The following DAB1 variants were observed in gnomAD, a reference collection of about 807,000 sequenced individuals.
DAB1 encodes disabled homolog 1.
DAB1 carries 15 observed loss-of-function variants against 64.6 expected under a neutral mutation model. That is an observed-to-expected ratio of 0.23 (90% CI 0.16 to 0.36). The LOEUF is 0.36. Ranked by LOEUF, DAB1 falls within the 10% of genes least tolerant of loss-of-function variation. DAB1 has a pLI of 1.00. For synonymous variants in DAB1, 235 were observed against 251.9 expected (o/e 0.93, Z 0.64); for missense variants, 596 against 706.7 (o/e 0.84, Z 1.78).
At chr1:58,094,915 C>A (rs1213961675) in intron 5 of DAB1, among the ~76,000 whole-genome samples, 1 of 152,170 alleles carries the variant, frequency 6.6e-6, no homozygotes, top group Non-Finnish European at 1.5e-5. Context: ...GTCCAAAGAC[C>A]ACACTTAAAG....
chr1:58,506,096 G>A (rs764816646), exon 3 of DAB1: 1 of 871,912 alleles, frequency 1.1e-6, no homozygotes, highest in South Asian at 1.3e-5. Flanking sequence ...CAACTCGATT[G>A]CCATGAGAAG....
At chr1:57,233,745 C>T (rs1004908488) in intron 2 of DAB1, among the ~76,000 whole-genome samples, 4 of 151,258 alleles carry the variant, frequency 2.6e-5, no homozygotes, top group Admixed American at 1.3e-4. Context: ...GGCGACAGAG[C>T]GAGCCTCTGT....
intron 1 of DAB1, among the ~76,000 whole-genome samples, chr1:57,318,280 G>A (rs137984543): frequency 6.6e-6 from 1 of 152,142 alleles, no homozygotes; most frequent in Non-Finnish European, 1.5e-5. Context: ...CACAATTCAG[G>A]TTTGGTAAAG....
intron 3 of DAB1, among the ~76,000 whole-genome samples, chr1:58,380,691 C>G (rs1644379608): frequency 6.6e-6 from 1 of 152,042 alleles, no homozygotes; most frequent in Non-Finnish European, 1.5e-5. Flanking sequence ...ATTCAAAGGT[C>G]TAAGAGGAAA....
At chr1:58,176,787 C>T (rs1257056909) in intron 4 of DAB1, among the ~76,000 whole-genome samples, 4 of 152,038 alleles carry the variant, frequency 2.6e-5, no homozygotes, top group Non-Finnish European at 5.9e-5. Context: ...AAACCATCCT[C>T]GCTAACACGG....
At chr1:57,124,586 T>C (rs1351597107) in intron 4 of DAB1, among the ~76,000 whole-genome samples, 1 of 152,230 alleles carries the variant, frequency 6.6e-6, no homozygotes, top group Non-Finnish European at 1.5e-5. Context: ...TCTCAGGCTT[T>C]AGAGTTGCTG....
chr1:57,002,952 A>G (rs1481454703), intron 14 of DAB1, among the ~76,000 whole-genome samples: 1 of 152,244 alleles, frequency 6.6e-6, no homozygotes, highest in East Asian at 1.9e-4. Flanking sequence ...ATACTCCAAA[A>G]AACATTAGGT....
chr1:57,956,748 C>A (rs1645402261), intron 5 of DAB1, among the ~76,000 whole-genome samples: 1 of 152,142 alleles, frequency 6.6e-6, no homozygotes, highest in Non-Finnish European at 1.5e-5. Context: ...ATTGGATACT[C>A]CTGCAGCTAA....
At chr1:57,082,517 T>C (rs1034604896) in intron 4 of DAB1, among the ~76,000 whole-genome samples, 6 of 152,216 alleles carry the variant, frequency 3.9e-5, no homozygotes, top group Admixed American at 2.6e-4. Flanking sequence ...TTTTATGTTA[T>C]TTGTATATTT....
intron 6 of DAB1, among the ~76,000 whole-genome samples, chr1:57,665,010 C>T (rs1252001456): frequency 2.6e-5 from 4 of 151,938 alleles, no homozygotes; most frequent in Non-Finnish European, 4.4e-5. Context: ...TTTATTATTA[C>T]TTTAGAGGAT....
intron 7 of DAB1, among the ~76,000 whole-genome samples, chr1:57,628,548 T>C (rs1645950611): frequency 6.6e-6 from 1 of 152,132 alleles, no homozygotes; most frequent in Non-Finnish European, 1.5e-5. Flanking sequence ...ATAAGTCCCA[T>C]AAAATCCCAT....
intron 1 of DAB1, among the ~76,000 whole-genome samples, chr1:57,835,346 A>G (rs1652763546): frequency 6.6e-6 from 1 of 152,214 alleles, no homozygotes; most frequent in Non-Finnish European, 1.5e-5. Flanking sequence ...TCTTTATGTT[A>G]GCTATCATCA....
At chr1:57,270,230 A>C (rs1408000772) in intron 2 of DAB1, among the ~76,000 whole-genome samples, 1 of 152,204 alleles carries the variant, frequency 6.6e-6, no homozygotes, top group Admixed American at 6.5e-5. Context: ...CCATTTAGTG[A>C]GCTCTGAGCC....
intron 4 of DAB1, among the ~76,000 whole-genome samples, chr1:58,342,611 A>T (rs547076238): frequency 3.5e-4 from 53 of 152,106 alleles, no homozygotes; most frequent in Non-Finnish European, 6.8e-4. Flanking sequence ...CCTCAAGCTC[A>T]CTCAATGTAC....
intron 5 of DAB1, among the ~76,000 whole-genome samples, chr1:58,027,109 T>C (rs150976925): frequency 2.0e-5 from 3 of 152,240 alleles, no homozygotes; most frequent in African/African-American, 7.2e-5. Flanking sequence ...AAATAACTTA[T>C]AATAAAGTAC....
At chr1:58,136,262 C>T (rs1653937974) in intron 5 of DAB1, among the ~76,000 whole-genome samples, 1 of 152,130 alleles carries the variant, frequency 6.6e-6, no homozygotes, top group South Asian at 2.1e-4. Context: ...GGGGCCTTCT[C>T]CACCCACCAC....
intron 4 of DAB1, among the ~76,000 whole-genome samples, chr1:58,206,098 T>A (rs529332438): frequency 2.0e-4 from 30 of 152,294 alleles, no homozygotes; most frequent in African/African-American, 7.2e-4. Context: ...CATGACACAG[T>A]CTCAGGACGT....
At chr1:57,973,919 A>G (rs1295763801) in intron 5 of DAB1, among the ~76,000 whole-genome samples, 1 of 152,126 alleles carries the variant, frequency 6.6e-6, no homozygotes, top group East Asian at 1.9e-4. Flanking sequence ...CTCTCTTACC[A>G]TAGACCCTCC....
At chr1:57,819,958 TTAA>T (rs1189475306) in intron 6 of DAB1, among the ~76,000 whole-genome samples, 1 of 152,198 alleles carries the variant, frequency 6.6e-6, no homozygotes, top group Non-Finnish European at 1.5e-5. Context: ...TGGTAGTTCC[TTAA>T]TAATAATAAT....
Sources: allele counts gnomAD v4.1 joint callset (sites outside exome capture counted in the v4.1 genomes callset), GRCh38; gene constraint gnomAD v4.1.1; transcripts MANE v1.5; gene names NCBI Gene and HGNC (gene_info 2026-07-23, HGNC 2026-07-21).